The following CELSR1 variants were observed in gnomAD, a reference collection of about 807,000 sequenced individuals.
CELSR1 encodes cadherin EGF LAG seven-pass G-type receptor 1.
A neutral mutation model predicts 249.1 loss-of-function variants in CELSR1; 110 were observed. The ratio of observed to expected loss-of-function variants is 0.44; its 90% confidence interval spans 0.38 to 0.52. The LOEUF is 0.52. Among genes scored for constraint, CELSR1 ranks in the 20% least tolerant of loss-of-function variants. The probability of loss-of-function intolerance (pLI) is 0.00; values close to 1 mark genes in which losing one functional copy is unlikely to be tolerated. For synonymous variants in CELSR1, 2,113 were observed against 1,900.0 expected (o/e 1.11, Z -2.92); for missense variants, 4,109 against 4,296.4 (o/e 0.96, Z 1.22).
chr22:46,523,563 AT>A (rs2080707630), intron 1 of CELSR1, among the ~76,000 whole-genome samples: 1 of 121,540 alleles, frequency 8.2e-6, no homozygotes, highest in Non-Finnish European at 1.7e-5. Flanking sequence ...AATAAATAAA[AT>A]AAAAAGAAAG....
chr22:46,507,526 C>T (rs917977069), intron 1 of CELSR1, among the ~76,000 whole-genome samples: 1 of 152,138 alleles, frequency 6.6e-6, no homozygotes, highest in Non-Finnish European at 1.5e-5. Context: ...ACTCGGTGTG[C>T]CCCAGGCCCC....
Position 46,395,858 on chromosome 22 carries a change from C to T in CELSR1, c.5843+747G>A, listed in dbSNP as rs547324969. The stretch of plus-strand genomic sequence containing the variant: ...CTACGCACCTGTACCCAGCGATCCC[C>T]GTGCAAAGGGTACAGAGCCCAGAGC... On this transcript the variant is annotated intron_variant, in intron 13 of 34. Coordinates refer to ENST00000674500, the MANE Select transcript of CELSR1 (RefSeq NM_001378328.1). The surrounding 1 kb of genome is among the most constrained non-coding windows in gnomAD (Gnocchi z 5.5). 1.3e-5 allele frequency among the ~76,000 whole-genome samples: 2 copies of T among 152,206 alleles called. No homozygotes were observed. The highest frequency in any genetic ancestry group is 6.5e-5 in the Admixed American group (1 of 15,278).
In CELSR1 at chr22:46,363,829, C is replaced by T; in HGVS notation, c.9035+167G>A. 2 of 891,568 alleles carry T rather than the reference C, an allele frequency of 2.2e-6. No homozygotes were observed. Among genetic ancestry groups the T allele is most frequent in the Non-Finnish European group, 3.3e-6 (2 of 609,816 alleles). 55.2% of individuals were successfully genotyped at this position (891,568 alleles called of 1,614,324 possible). Reference sequence around the variant, plus strand: ...GCCCATCTCCGGGGTATCCTCCTGACCTCAGCTGCAGCGCCTCCCCCCTCC... The same window carrying T: ...GCCCATCTCCGGGGTATCCTCCTGATCTCAGCTGCAGCGCCTCCCCCCTCC... On this transcript the variant is annotated intron_variant, in intron 34 of 34. Transcript: ENST00000674500. The surrounding 1 kb of genome is among the most constrained non-coding windows in gnomAD (Gnocchi z 4.3).
chr22:46,505,849 A>G (rs1381280480), intron 1 of CELSR1, among the ~76,000 whole-genome samples: 1 of 152,164 alleles, frequency 6.6e-6, no homozygotes, highest in Admixed American at 6.6e-5. Flanking sequence ...ATTTTAAAAA[A>G]TAAATCTATT....
At chr22:46,497,439 C>G (rs564380857) in intron 1 of CELSR1, among the ~76,000 whole-genome samples, 1 of 152,124 alleles carries the variant, frequency 6.6e-6, no homozygotes, top group Non-Finnish European at 1.5e-5. Context: ...TCTCTCTCCC[C>G]GGGAGAATCT....
At chr22:46,514,749 GA>G (rs1424646324) in intron 1 of CELSR1, among the ~76,000 whole-genome samples, 1 of 152,102 alleles carries the variant, frequency 6.6e-6, no homozygotes, top group African/African-American at 2.4e-5. Context: ...GGGTGTTTCT[GA>G]ATGAATTGCC....
rs746734615 is a variant in CELSR1 at position 46,517,510 on chromosome 22, C to T, written c.3544+16117G>A. On this transcript the variant is annotated intron_variant, in intron 1 of 34. Transcript: ENST00000674500. The surrounding 1 kb of genome is among the most constrained non-coding windows in gnomAD (Gnocchi z 5.4). Reference sequence around the variant, plus strand: ...CAATGGCTGATGTGCACTGTCCCGGCGCCCCAGGCCGGCTCTTGTCTTGGT... The same window carrying T: ...CAATGGCTGATGTGCACTGTCCCGGTGCCCCAGGCCGGCTCTTGTCTTGGT... Among the ~76,000 whole-genome samples the T allele has an allele frequency of 7.2e-5, 11 of 152,136 alleles. No individual in the cohort carries two copies. The highest frequency in any genetic ancestry group is 3.9e-4 in the Admixed American group (6 of 15,266).
intron 1 of CELSR1, among the ~76,000 whole-genome samples, chr22:46,491,637 CT>C (rs72436813): frequency 0.19 from 25,486 of 136,118 alleles, 2,491 homozygotes; most frequent in Middle Eastern, 0.24. Context: ...CTCTCTCTCT[CT>C]TTTTTTTTTT....
At chr22:46,416,907 G>A (rs1014361261) in intron 5 of CELSR1, among the ~76,000 whole-genome samples, 12 of 139,212 alleles carry the variant, frequency 8.6e-5, no homozygotes, top group African/African-American at 2.6e-4. Context: ...TGCTGCAGAC[G>A]ATTCTGCATT....
chr22:46,517,907 T>TTTC lies in CELSR1; in HGVS notation c.3544+15719_3544+15720insGAA, dbSNP rs770789457. 0.034 allele frequency among the ~76,000 whole-genome samples: 5,065 copies of TTTC among 149,378 alleles called. 173 individuals carry two copies. The highest frequency in any genetic ancestry group is 0.19 in the East Asian group (950 of 5,072). ...CACCTCCCACGGTGTCCCCTTCCTTTTTTTTTTTTTTTGAGACAGAGTTTC... is the reference window on the plus strand; with the variant it reads ...CACCTCCCACGGTGTCCCCTTCCTTTTTCTTTTTTTTTTTTGAGACAGAGTTTC... On this transcript the variant is annotated intron_variant, in intron 1 of 34. Transcript: ENST00000674500. The surrounding 1 kb of genome is among the most constrained non-coding windows in gnomAD (Gnocchi z 5.4).
chr22:46,369,297 T>G (rs769723930), intron 26 of CELSR1, 39 bp from the exon 27 acceptor site: 2 of 111,998 alleles, frequency 1.8e-5, no homozygotes, highest in Non-Finnish European at 3.3e-5. Flanking sequence ...TTCTCTCTCG[T>G]CACTGCAGAC....
rs62226999 is a variant in CELSR1 at position 46,369,717 on chromosome 22, G to A, written c.7847C>T (p.Ala2616Val). 14 of 1,613,310 alleles carry A rather than the reference G, an allele frequency of 8.7e-6. No homozygotes were observed. Among genetic ancestry groups the A allele is most frequent in the East Asian group, 2.2e-5 (1 of 44,886 alleles). ...GATTATAACAGCTCCGATGGGCCCC[G>A]CAAAGCTCCAAATCAGGGTGTCTTG... ...SLQDTLIWSF[A>V]GPIGAVIIIN... Residue 2616 changes from alanine to valine, a missense_variant, in exon 26 of 35, where the codon GCG becomes GTG. Ala to Val is a moderately conservative substitution (Grantham distance 64). Transcript: ENST00000674500.
In CELSR1 at chr22:46,500,649, G is replaced by C. The variant is rs1182023801; in HGVS notation, c.3544+32978C>G. On this transcript the variant is annotated intron_variant, in intron 1 of 34. Coordinates refer to ENST00000674500, the MANE Select transcript of CELSR1 (RefSeq NM_001378328.1). This position sits in a 1 kb window ranked among gnomAD's most constrained non-coding sequence, Gnocchi z 4.9. ...GATCTCTGGGGGAGTTTACAACAAT[G>C]ACTCTGCAGGCCTTTTGTCAGATGC... Among the ~76,000 whole-genome samples, 1 of 152,166 alleles carries C rather than the reference G, an allele frequency of 6.6e-6. No individual in the cohort carries two copies. The highest frequency in any genetic ancestry group is 1.5e-5 in the Non-Finnish European group (1 of 68,026).
intron 2 of CELSR1, among the ~76,000 whole-genome samples, chr22:46,458,621 C>T (rs1483022559): frequency 2.6e-5 from 4 of 152,194 alleles, no homozygotes; most frequent in African/African-American, 4.8e-5. Context: ...ACTGGGGACA[C>T]CCTCCAGGGG....
chr22:46,416,411 G>A (rs1340131228), intron 5 of CELSR1, among the ~76,000 whole-genome samples: 2 of 152,338 alleles, frequency 1.3e-5, no homozygotes, highest in Non-Finnish European at 2.9e-5. Flanking sequence ...ACCCCTTGCA[G>A]GAAAGGCAAT....
At chr22:46,459,266 C>T (rs1347829185) in intron 2 of CELSR1, among the ~76,000 whole-genome samples, 1 of 152,096 alleles carries the variant, frequency 6.6e-6, no homozygotes, top group Non-Finnish European at 1.5e-5. Context: ...CACCAGGATT[C>T]AAAACCGAGT....
Position 46,398,433 on chromosome 22 carries a change from G to T in CELSR1, c.5526+91C>A, listed in dbSNP as rs1332240275. On this transcript the variant is annotated intron_variant, in intron 11 of 34. Transcript: ENST00000674500. This position sits in a 1 kb window ranked among gnomAD's most constrained non-coding sequence, Gnocchi z 7.2. ...ATTCTTCACTCGTTGAAAGCTAACA[G>T]GTTGACCAACGGAACCACCTATGGT... is the stretch of plus-strand genomic sequence containing the variant. The T allele has an allele frequency of 2.4e-6, 2 of 831,600 alleles. No individual in the cohort carries two copies. Among genetic ancestry groups the T allele is most frequent in the African/African-American group, 3.5e-5 (2 of 57,688 alleles). 51.5% of individuals were successfully genotyped at this position (831,600 alleles called of 1,614,324 possible).
At chr22:46,511,117 A>AACACACACAC (rs10694625) in intron 1 of CELSR1, among the ~76,000 whole-genome samples, 6 of 149,754 alleles carry the variant, frequency 4.0e-5, no homozygotes, top group African/African-American at 1.5e-4. Context: ...TCGTCTCAAA[A>AACACACACAC]ACACACACAC....
intron 25 of CELSR1, chr22:46,370,370 TCA>T (rs1277372790): frequency 3.1e-6 from 1 of 327,202 alleles, no homozygotes; most frequent in Non-Finnish European, 6.1e-6. Flanking sequence ...CAGACACGCA[TCA>T]CAGATATACA....
Sources: allele counts gnomAD v4.1 joint callset (sites outside exome capture counted in the v4.1 genomes callset), GRCh38; gene constraint gnomAD v4.1.1; non-coding constraint Gnocchi (gnomAD v3.1); transcripts MANE v1.5; gene names NCBI Gene and HGNC (gene_info 2026-07-23, HGNC 2026-07-21).